SMPX: variants seen among roughly 807,000 people sequenced by gnomAD.
SMPX encodes the protein small muscular protein.
In SMPX, 2 loss-of-function variants were observed where a neutral mutation model predicts 6.3. That is an observed-to-expected ratio of 0.32 (90% CI 0.13 to 0.99). The LOEUF (loss-of-function observed/expected upper bound fraction) is 0.99, where lower values mean the gene tolerates loss of function less well. SMPX is among the 50% of genes least tolerant of loss of function. The probability of loss-of-function intolerance (pLI) is 0.49; values close to 1 mark genes in which losing one functional copy is unlikely to be tolerated. For missense variants in SMPX, 60 were observed against 66.8 expected (o/e 0.90, Z 0.36); for synonymous variants, 32 against 24.7 (o/e 1.30, Z -0.88).
At chrX:21,741,045 GC>G (rs1208098212) in intron 3 of SMPX, among the ~76,000 whole-genome samples, 1 of 112,005 alleles carries the variant, frequency 8.9e-6, no homozygotes, top group African/African-American at 3.2e-5. Flanking sequence ...CTGTGGCTGG[GC>G]CAAGCAGATA....
chrX:21,719,160 C>G (rs748126659), intron 4 of SMPX, among the ~76,000 whole-genome samples: 2 of 112,032 alleles, frequency 1.8e-5, no homozygotes, highest in South Asian at 7.5e-4. Context: ...AGTTTTCCCT[C>G]CCGTTAGTTG....
chrX:21,709,518 G>T (rs1050110625), intron 4 of SMPX, among the ~76,000 whole-genome samples: 5 of 112,216 alleles, frequency 4.5e-5, no homozygotes, highest in African/African-American at 1.6e-4. Flanking sequence ...CATAGCAGGG[G>T]TCCAGTGATT....
chrX:21,722,888 T>TCA (rs2092793253), intron 4 of SMPX, among the ~76,000 whole-genome samples: 1 of 111,732 alleles, frequency 8.9e-6, no homozygotes, highest in Admixed American at 9.5e-5. Context: ...CACTGACATC[T>TCA]CACAAGGTAA....
intron 4 of SMPX, among the ~76,000 whole-genome samples, chrX:21,719,500 A>G (rs1476064447): frequency 9.3e-6 from 1 of 107,875 alleles, no homozygotes; most frequent in African/African-American, 3.5e-5. Context: ...CCTGGTCAAT[A>G]GAGTGAGATT....
intron 2 of SMPX, among the ~76,000 whole-genome samples, chrX:21,749,501 A>T (rs907309046): frequency 1.8e-5 from 2 of 111,698 alleles, no homozygotes; most frequent in Non-Finnish European, 3.8e-5. Flanking sequence ...GATGGTCCAC[A>T]CCCACTCCTC....
At chrX:21,731,428 T>C (rs777151132) in intron 4 of SMPX, among the ~76,000 whole-genome samples, 114 of 52,727 alleles carry the variant, frequency 2.2e-3, no homozygotes, top group Non-Finnish European at 3.4e-3. Flanking sequence ...TACACACATA[T>C]ATGTGTGTAT....
At chrX:21,730,723 A>T (rs142834897) in intron 4 of SMPX, among the ~76,000 whole-genome samples, 1,625 of 112,336 alleles carry the variant, frequency 0.014, 25 homozygotes, top group African/African-American at 0.05. Context: ...TAGAAGGGGA[A>T]ATACCAAAGT....
intron 4 of SMPX, among the ~76,000 whole-genome samples, chrX:21,707,983 G>A (rs2092774740): frequency 8.9e-6 from 1 of 112,651 alleles, no homozygotes; most frequent in African/African-American, 3.2e-5. Context: ...GTGTGATTTG[G>A]TATGCAGCAA....
chrX:21,722,699 C>T (rs1000003993), intron 4 of SMPX, among the ~76,000 whole-genome samples: 3 of 111,092 alleles, frequency 2.7e-5, no homozygotes, highest in African/African-American at 9.9e-5. Context: ...CTCATTTCAC[C>T]GCCATGGACC....
chrX:21,744,222 C>A (rs1289528414), intron 2 of SMPX, among the ~76,000 whole-genome samples: 1 of 111,625 alleles, frequency 9.0e-6, no homozygotes, highest in Non-Finnish European at 1.9e-5. Flanking sequence ...CTGCATAAGT[C>A]ATCCCACACC....
chrX:21,710,752 AGC>A (rs1468683623), intron 4 of SMPX, among the ~76,000 whole-genome samples: 1 of 111,723 alleles, frequency 9.0e-6, no homozygotes, highest in Non-Finnish European at 1.9e-5. Context: ...AAGAGGGGGA[AGC>A]TGGGCCAGTG....
At chrX:21,723,783 A>G (rs112259780) in intron 4 of SMPX, among the ~76,000 whole-genome samples, 2,154 of 111,746 alleles carry the variant, frequency 0.019, 58 homozygotes, top group African/African-American at 0.067. Context: ...ATTTGATCAC[A>G]TAGTAAAAAA....
chrX:21,714,075 G>A (rs2092781636), intron 4 of SMPX, among the ~76,000 whole-genome samples: 1 of 111,441 alleles, frequency 9.0e-6, no homozygotes, highest in African/African-American at 3.3e-5. Flanking sequence ...ACAGGGTTTT[G>A]TTCATTTGAG....
At chrX:21,738,615 C>G (rs914334349) in intron 3 of SMPX, among the ~76,000 whole-genome samples, 1 of 110,865 alleles carries the variant, frequency 9.0e-6, no homozygotes, top group Non-Finnish European at 1.9e-5. Flanking sequence ...ACGCGCCTCT[C>G]GGATCAGTTT....
At chrX:21,743,336 C>T (rs781661847) in intron 3 of SMPX, among the ~76,000 whole-genome samples, 83 of 111,338 alleles carry the variant, frequency 7.5e-4, no homozygotes, top group Non-Finnish European at 1.4e-3. Context: ...TAAAAGATCC[C>T]AAGTGAAAAC....
At chrX:21,711,568 A>G (rs1485697560) in intron 4 of SMPX, among the ~76,000 whole-genome samples, 1 of 111,938 alleles carries the variant, frequency 8.9e-6, no homozygotes, top group Non-Finnish European at 1.9e-5. Context: ...ATGATACACC[A>G]AATATCTCCC....
chrX:21,715,933 G>T (rs1028450865), intron 4 of SMPX, among the ~76,000 whole-genome samples: 2 of 111,787 alleles, frequency 1.8e-5, no homozygotes, highest in Non-Finnish European at 3.8e-5. Context: ...AACAAATGCT[G>T]GTTTAGAGAC....
chrX:21,751,990 G>T (rs2147395085), intron 2 of SMPX, among the ~76,000 whole-genome samples: 1 of 112,269 alleles, frequency 8.9e-6, no homozygotes, highest in South Asian at 3.7e-4. Context: ...TTACCCACAA[G>T]AAATAATATT....
intron 4 of SMPX, among the ~76,000 whole-genome samples, chrX:21,728,221 TCTCTCTCTCTC>T: frequency 5.3e-5 from 1 of 18,949 alleles, no homozygotes; most frequent in Non-Finnish European, 8.5e-5. Flanking sequence ...CCTTTCTCTC[TCTCTCTCTCTC>T]TCTCTCTCTC....
Sources: allele counts gnomAD v4.1 joint callset (sites outside exome capture counted in the v4.1 genomes callset), GRCh38; gene constraint gnomAD v4.1.1; transcripts MANE v1.5; gene names NCBI Gene and HGNC (gene_info 2026-07-23, HGNC 2026-07-21).